COL21A1: variants seen among roughly 807,000 people sequenced by gnomAD.
COL21A1 encodes collagen alpha-1(XXI) chain.
A neutral mutation model predicts 137.9 loss-of-function variants in COL21A1; 149 were observed. The observed-to-expected ratio is 1.08, with a 90% CI of 0.95 to 1.24. The LOEUF is 1.24. Ranked by LOEUF, COL21A1 falls within the 50% of genes most tolerant of loss-of-function variation. The pLI, the probability that COL21A1 is intolerant of heterozygous loss-of-function variation, is 0.00. For synonymous variants in COL21A1, 456 were observed against 391.5 expected (o/e 1.16, Z -1.95); for missense variants, 1,167 against 1,158.4 (o/e 1.01, Z -0.11).
intron 1 of COL21A1, among the ~76,000 whole-genome samples, chr6:56,386,067 G>A (rs796093966): frequency 7.9e-5 from 12 of 152,156 alleles, no homozygotes; most frequent in African/African-American, 2.7e-4. Flanking sequence ...CATTCCATAA[G>A]TCAATCCCAT....
intron 3 of COL21A1, among the ~76,000 whole-genome samples, chr6:56,179,084 C>T (rs1777702720): frequency 6.6e-6 from 1 of 151,340 alleles, no homozygotes; most frequent in Non-Finnish European, 1.5e-5. Context: ...ATTGTATACA[C>T]AAGAGTATAT....
In COL21A1 at chr6:56,164,501, A is replaced by G. The variant is rs1241113855; in HGVS notation, c.1293T>C (p.Leu431=). ...CEIPGFNGEC[L]NGPSDVGSTP... ...TTGAACCTACATCACTGGGACCATTAAGGCACTATAAAGACAAAAATGGAA... is the reference window on the plus strand; with the variant it reads ...TTGAACCTACATCACTGGGACCATTGAGGCACTATAAAGACAAAAATGGAA... The change falls in exon 9 of 30, where the codon CTT becomes CTC. Residue 431 remains leucine (L), a synonymous_variant. Transcript: ENST00000244728. 6.3e-7 allele frequency: 1 copy of G among 1,579,534 alleles called. No homozygotes were observed. Among genetic ancestry groups the G allele is most frequent in the Non-Finnish European group, 8.6e-7 (1 of 1,160,928 alleles).
At chr6:56,070,068 G>A (rs561869619) in intron 21 of COL21A1, among the ~76,000 whole-genome samples, 5 of 151,558 alleles carry the variant, frequency 3.3e-5, no homozygotes, top group South Asian at 4.2e-4. Flanking sequence ...TTGCAAGCAC[G>A]TGTTAATAAT....
At chr6:56,320,144 A>G (rs1219049448) in intron 1 of COL21A1, among the ~76,000 whole-genome samples, 1 of 152,136 alleles carries the variant, frequency 6.6e-6, no homozygotes, top group Non-Finnish European at 1.5e-5. Flanking sequence ...ATAATCTTAT[A>G]TATTACAATA....
chr6:56,113,828 C>A (rs1180339317), intron 16 of COL21A1, among the ~76,000 whole-genome samples: 2 of 152,134 alleles, frequency 1.3e-5, no homozygotes, highest in Admixed American at 6.5e-5. Flanking sequence ...CACAGGGGAT[C>A]CCACTGCCCT....
chr6:56,345,200 G>C (rs1337815983), intron 1 of COL21A1, among the ~76,000 whole-genome samples: 1 of 152,056 alleles, frequency 6.6e-6, no homozygotes, highest in Admixed American at 6.6e-5. Context: ...ATTACTTCTG[G>C]GTGGGAACAA....
rs1486891180 is a variant in COL21A1 at position 56,247,492 on chromosome 6, G to A, written c.-144C>T. 7 of 152,414 alleles carry A rather than the reference G, an allele frequency of 4.6e-5. No individual in the cohort carries two copies. Among genetic ancestry groups the A allele is most frequent in the Non-Finnish European group, 8.8e-5 (6 of 68,194 alleles). 9.4% of individuals were successfully genotyped at this position (152,414 alleles called of 1,614,324 possible). ...GGCAAGCCCAACCCGAGCAAGACCT[G>A]CGCTGAAACGGATTGGCTGCCCTCC... On this transcript the variant is annotated 5_prime_UTR_variant, in exon 1 of 30. Coordinates refer to ENST00000244728, the MANE Select transcript of COL21A1 (RefSeq NM_030820.4).
In COL21A1 at chr6:56,125,639, A is replaced by T; in HGVS notation, c.1597-19T>A. 1.4e-6 allele frequency: 2 copies of T among 1,466,454 alleles called. No individual in the cohort carries two copies. The highest frequency in any genetic ancestry group is 2.8e-5 in the South Asian group (2 of 72,256). 90.8% of individuals were successfully genotyped at this position (1,466,454 alleles called of 1,614,324 possible). A position where few individuals can be genotyped will look rare whatever the true frequency, so the allele number is the denominator to read the frequency against. ...TTTCACCCTAAAAGACAAAATATAAATAGTGAATATTTAAGAAATATGAAT... is the reference window on the plus strand; with the variant it reads ...TTTCACCCTAAAAGACAAAATATAATTAGTGAATATTTAAGAAATATGAAT... On this transcript the variant is annotated intron_variant, in intron 13 of 29. Transcript: ENST00000244728.
intron 1 of COL21A1, among the ~76,000 whole-genome samples, chr6:56,237,307 CCTGT>C (rs1781968017): frequency 6.6e-6 from 1 of 151,956 alleles, no homozygotes; most frequent in Non-Finnish European, 1.5e-5. Context: ...ACAGGTTTGC[CCTGT>C]CTAAGCATTG....
intron 1 of COL21A1, among the ~76,000 whole-genome samples, chr6:56,374,159 T>A (rs549691234): frequency 6.6e-6 from 1 of 152,220 alleles, no homozygotes; most frequent in Non-Finnish European, 1.5e-5. Context: ...ACGACTTGTA[T>A]GAAATATCCA....
intron 19 of COL21A1, among the ~76,000 whole-genome samples, chr6:56,074,851 A>T (rs193065046): frequency 1.3e-5 from 2 of 151,558 alleles, no homozygotes; most frequent in African/African-American, 4.8e-5. Context: ...TACATATTTA[A>T]CACACTTTAC....
chr6:56,264,992 A>G (rs1011014121), intron 1 of COL21A1, among the ~76,000 whole-genome samples: 6 of 152,210 alleles, frequency 3.9e-5, no homozygotes, highest in Non-Finnish European at 8.8e-5. Context: ...GAAAAAGACT[A>G]TAAGAAAGTA....
At chr6:56,116,946 A>G (rs987583397) in intron 16 of COL21A1, among the ~76,000 whole-genome samples, 4 of 152,062 alleles carry the variant, frequency 2.6e-5, no homozygotes, top group Non-Finnish European at 5.9e-5. Context: ...CATACAATGA[A>G]TACACAAAAA....
intron 1 of COL21A1, among the ~76,000 whole-genome samples, chr6:56,346,126 T>G (rs1052242622): frequency 1.5e-4 from 23 of 152,224 alleles, no homozygotes; most frequent in Non-Finnish European, 3.2e-4. Context: ...TCAATGACAT[T>G]TCACATATGT....
upstream of COL21A1, among the ~76,000 whole-genome samples, chr6:56,252,265 A>G (rs777886254): frequency 2.0e-5 from 3 of 152,184 alleles, no homozygotes; most frequent in Non-Finnish European, 4.4e-5. Context: ...CCCTTATTGC[A>G]TAACAATAAT....
chr6:56,255,835 G>T lies in COL21A1; in HGVS notation c.-38-73179C>A, dbSNP rs921107070. On this transcript the variant is annotated intron_variant, in intron 1 of 28. Coordinates refer to the COL21A1 transcript ENST00000370819. ...AATGTACCTGGTAAGGTCCAAAAGG[G>T]ACCCAGCCCTGCTTCTCACCGCAGC... is the stretch of plus-strand genomic sequence containing the variant. 1.4e-4 allele frequency among the ~76,000 whole-genome samples: 22 copies of T among 152,290 alleles called. 1 individual carries two copies. The highest frequency in any genetic ancestry group is 5.1e-4 in the African/African-American group (21 of 41,560).
chr6:56,276,822 T>C (rs1763674201), intron 1 of COL21A1: 1 of 863,750 alleles, frequency 1.2e-6, no homozygotes, highest in Admixed American at 2.2e-5. Context: ...TTTTGTTTTT[T>C]TTTTGAGACA....
intron 1 of COL21A1, among the ~76,000 whole-genome samples, chr6:56,210,596 A>G (rs1225396549): frequency 6.6e-6 from 1 of 152,184 alleles, no homozygotes; most frequent in Admixed American, 6.5e-5. Flanking sequence ...ATGTGAACCC[A>G]CTGATCTACC....
At chr6:56,378,527 G>A (rs1018588823) in intron 1 of COL21A1, among the ~76,000 whole-genome samples, 14 of 152,204 alleles carry the variant, frequency 9.2e-5, no homozygotes, top group African/African-American at 3.4e-4. Flanking sequence ...GAAGGGCTAT[G>A]TCTTGTGATT....
Sources: gnomAD v4.1 joint callset for allele counts (sites outside exome capture counted in the v4.1 genomes callset) on GRCh38, gnomAD v4.1.1 for gene constraint, MANE v1.5 for transcripts, NCBI Gene and HGNC (gene_info 2026-07-23, HGNC 2026-07-21) for gene names.